The following WASL variants were observed in gnomAD, a reference collection of about 807,000 sequenced individuals.
The protein encoded by WASL is WASP like actin nucleation promoting factor.
In WASL, 20 loss-of-function variants were observed where a neutral mutation model predicts 55.5. That is an observed-to-expected ratio of 0.36 (90% CI 0.25 to 0.52). The LOEUF is 0.52. Ranked by LOEUF, WASL falls within the 20% of genes least tolerant of loss-of-function variation. The pLI is 0.92. For synonymous variants in WASL, 249 were observed against 217.6 expected, an observed-to-expected ratio of 1.14 and a Z score of -1.27; for missense variants, 504 against 622.5, an observed-to-expected ratio of 0.81 and a Z score of 2.03.
chr7:123,744,703 C>T (rs1385884509), intron 1 of WASL, among the ~76,000 whole-genome samples: 3 of 152,064 alleles, frequency 2.0e-5, no homozygotes, highest in Non-Finnish European at 4.4e-5. Context: ...TTTCCTATTC[C>T]TTAGTTTCTC....
At chr7:123,718,325 G>A (rs895669621) in intron 1 of WASL, among the ~76,000 whole-genome samples, 1 of 152,104 alleles carries the variant, frequency 6.6e-6, no homozygotes, top group Non-Finnish European at 1.5e-5. Context: ...GCATCAATCA[G>A]AACAATAGAA....
chr7:123,702,210 C>G (rs911078269), intron 5 of WASL, among the ~76,000 whole-genome samples: 1 of 152,066 alleles, frequency 6.6e-6, no homozygotes, highest in African/African-American at 2.4e-5. Flanking sequence ...CATGCGCCAC[C>G]ATGCCCAGCT....
rs187458919 is a variant in WASL at position 123,694,924 on chromosome 7, A to T, written c.673-56T>A. On this transcript the variant is annotated intron_variant, in intron 7 of 10. Transcript: ENST00000223023. ...AATATATCCCAATTTAAAAAACATA[A>T]TTTTAAGTCTCATCTGTGTCCTTCT... The T allele has an allele frequency of 2.8e-4, 424 of 1,541,386 alleles. 1 individual carries two copies. The African/African-American group carries it at 4.7e-3, about 17-fold the overall frequency.
chr7:123,707,169 T>A (rs554314104), intron 2 of WASL, among the ~76,000 whole-genome samples: 1 of 152,262 alleles, frequency 6.6e-6, no homozygotes, highest in East Asian at 1.9e-4. Flanking sequence ...ATAGAAGGAA[T>A]AGGATACTTT....
intron 1 of WASL, among the ~76,000 whole-genome samples, chr7:123,727,926 G>C (rs900782724): frequency 6.6e-6 from 1 of 152,128 alleles, no homozygotes; most frequent in Non-Finnish European, 1.5e-5. Flanking sequence ...TTTCATGGTA[G>C]CTAGATAAAT....
At chr7:123,734,496 T>C (rs1804193422) in intron 1 of WASL, among the ~76,000 whole-genome samples, 1 of 150,026 alleles carries the variant, frequency 6.7e-6, no homozygotes, top group Non-Finnish European at 1.5e-5. Flanking sequence ...GGTGTGAATG[T>C]GGTGCAACAG....
intron 2 of WASL, among the ~76,000 whole-genome samples, chr7:123,707,565 T>C (rs563314406): frequency 2.7e-4 from 41 of 152,290 alleles, no homozygotes; most frequent in Admixed American, 1.9e-3. Context: ...TAGAGAAAGA[T>C]AGTCATTGCC....
At chr7:123,744,776 A>T (rs1307906419) in intron 1 of WASL, among the ~76,000 whole-genome samples, 1 of 152,182 alleles carries the variant, frequency 6.6e-6, no homozygotes, top group Non-Finnish European at 1.5e-5. Flanking sequence ...CTTTATATAA[A>T]ATTAACTGAA....
intron 1 of WASL, among the ~76,000 whole-genome samples, chr7:123,723,293 C>G (rs1223643468): frequency 1.3e-5 from 2 of 151,734 alleles, no homozygotes. Flanking sequence ...GTATGTTGGT[C>G]AATTAAAGAG....
intron 1 of WASL, among the ~76,000 whole-genome samples, chr7:123,738,766 G>C (rs908531898): frequency 1.3e-5 from 2 of 149,458 alleles, no homozygotes; most frequent in East Asian, 1.9e-4. Flanking sequence ...CCTTTTTTTT[G>C]CTATACATCA....
intron 1 of WASL, among the ~76,000 whole-genome samples, chr7:123,729,045 T>C (rs1804099202): frequency 6.6e-6 from 1 of 152,304 alleles, no homozygotes; most frequent in Admixed American, 6.5e-5. Flanking sequence ...GTAAGGTTTA[T>C]AGATGATTTG....
At chr7:123,707,126 T>C (rs192162277) in intron 2 of WASL, among the ~76,000 whole-genome samples, 1 of 152,198 alleles carries the variant, frequency 6.6e-6, no homozygotes, top group East Asian at 1.9e-4. Context: ...AAATACATAA[T>C]AACCAGAATA....
intron 1 of WASL, among the ~76,000 whole-genome samples, chr7:123,724,073 T>C (rs768680): frequency 0.46 from 69,467 of 151,966 alleles, 16,146 homozygotes; most frequent in South Asian, 0.67. Flanking sequence ...TAGCTCCCCC[T>C]TCCCAAGAGG....
rs576239801 is a variant in WASL, at chr7:123,713,860, C to T, written c.118-4637G>A. On this transcript the variant is annotated intron_variant, in intron 1 of 10. Transcript: ENST00000223023. ...GCAGGGTTCTGCATCCGCAACCAAA[C>T]GTGGATTGAAAAATACAGTTATTAG... is the stretch of plus-strand genomic sequence containing the variant. Among the ~76,000 whole-genome samples the T allele has an allele frequency of 5.9e-5, 9 of 152,254 alleles. No homozygotes were observed. In the South Asian group the frequency reaches 1.4e-3, roughly 25 times the overall value.
intron 1 of WASL, among the ~76,000 whole-genome samples, chr7:123,709,880 T>C (rs537327292): frequency 6.6e-6 from 1 of 152,280 alleles, no homozygotes; most frequent in South Asian, 2.1e-4. Flanking sequence ...GCAGTTTTAA[T>C]GCTATACTGA....
chr7:123,724,304 AC>A (rs1804006691), intron 1 of WASL, among the ~76,000 whole-genome samples: 1 of 152,066 alleles, frequency 6.6e-6, no homozygotes, highest in South Asian at 2.1e-4. Context: ...TAATCTGCAG[AC>A]CCCCAAACAT....
intron 5 of WASL, among the ~76,000 whole-genome samples, chr7:123,698,299 T>C (rs1228628369): frequency 6.6e-6 from 1 of 151,912 alleles, no homozygotes; most frequent in Non-Finnish European, 1.5e-5. Flanking sequence ...TTGACTGTTA[T>C]TCTTTAATTA....
At chr7:123,700,235 AAAAATCC>A (rs1369787413) in intron 5 of WASL, among the ~76,000 whole-genome samples, 2 of 151,202 alleles carry the variant, frequency 1.3e-5, no homozygotes, top group Non-Finnish European at 1.5e-5. Context: ...GACTATAAAG[AAAAATCC>A]ATATAATGGA....
At chr7:123,693,065 C>T (rs1270637404) in intron 8 of WASL, among the ~76,000 whole-genome samples, 198 bp from the exon 9 acceptor site, 1 of 151,880 alleles carries the variant, frequency 6.6e-6, no homozygotes, top group Non-Finnish European at 1.5e-5. Context: ...CTAAAGATCA[C>T]TTTCTTATTG....
Sources: allele counts gnomAD v4.1 joint callset (sites outside exome capture counted in the v4.1 genomes callset), GRCh38; gene constraint gnomAD v4.1.1; transcripts MANE v1.5; gene names NCBI Gene and HGNC (gene_info 2026-07-23, HGNC 2026-07-21).